EVC: variants seen among roughly 807,000 people sequenced by gnomAD.
EVC encodes the protein evC complex member EVC.
A neutral mutation model predicts 118.9 loss-of-function variants in EVC; 116 were observed. The ratio of observed to expected loss-of-function variants is 0.98; its 90% confidence interval spans 0.84 to 1.14. EVC has a LOEUF of 1.14. Ranked by LOEUF, EVC falls within the 50% of genes most tolerant of loss-of-function variation. The probability of loss-of-function intolerance (pLI) is 0.00; values close to 1 mark genes in which losing one functional copy is unlikely to be tolerated. For missense variants in EVC, 1,401 were observed against 1,246.4 expected (o/e 1.12, Z -1.87); for synonymous variants, 619 against 534.7 (o/e 1.16, Z -2.18).
At chr4:5,732,385 C>T (rs896735615) in intron 4 of EVC, among the ~76,000 whole-genome samples, 6 of 152,220 alleles carry the variant, frequency 3.9e-5, no homozygotes, top group Admixed American at 3.3e-4. Flanking sequence ...CACCTTGAGC[C>T]TGAAAGTGGC....
At chr4:5,826,698 G>A in the EVC span, 1 of 152,288 alleles carries the variant, frequency 6.6e-6, no homozygotes, top group Admixed American at 6.5e-5. Flanking sequence ...CCTGTACAGG[G>A]TCCCAGCATG....
Position 5,743,713 on chromosome 4 carries a change from G to A in EVC, c.802-1491G>A, listed in dbSNP as rs1223775096. ...GAGGAAGGACATCATCATCTTCACT[G>A]TCATCCTCAGTATCACCACCATGGT... On this transcript the variant is annotated intron_variant, in intron 6 of 20. Transcript: ENST00000264956. The surrounding 1 kb of genome is among the most constrained non-coding windows in gnomAD (Gnocchi z 4.7). Among the ~76,000 whole-genome samples the A allele has an allele frequency of 6.6e-6, 1 of 152,172 alleles. No individual in the cohort carries two copies. Among genetic ancestry groups the A allele is most frequent in the Non-Finnish European group, 1.5e-5 (1 of 68,036 alleles).
At chr4:5,745,386 A>G (rs199743160) in intron 7 of EVC, 45 bp downstream of exon 7, 960 of 1,606,698 alleles carry the variant, frequency 6.0e-4, no homozygotes, top group Non-Finnish European at 7.9e-4. Flanking sequence ...TTGGTTCCTA[A>G]AACAGTTAAA....
At chr4:5,810,259 C>T (rs1350952678) in intron 19 of EVC, 80 bp from the exon 20 acceptor site, 8 of 1,076,118 alleles carry the variant, frequency 7.4e-6, no homozygotes, top group Admixed American at 3.9e-5. Context: ...AAATGTCAGG[C>T]TGGGTTGGTG....
intron 15 of EVC, among the ~76,000 whole-genome samples, chr4:5,800,997 C>G (rs1035261738): frequency 1.3e-5 from 2 of 152,218 alleles, no homozygotes; most frequent in Non-Finnish European, 1.5e-5. Context: ...TTTGCCCATC[C>G]TCTTATGAGG....
chr4:5,791,356 AAGTG>A (rs1432784909), intron 12 of EVC, among the ~76,000 whole-genome samples: 6 of 152,044 alleles, frequency 3.9e-5, no homozygotes, highest in East Asian at 3.8e-4. Flanking sequence ...TCAAAACAGT[AAGTG>A]AGAACAGAGG....
chr4:5,805,897 T>TTTC lies in EVC; in HGVS notation c.2561+1058_2561+1059insCTT, dbSNP rs1715812583. Among the ~76,000 whole-genome samples the TTTC allele has an allele frequency of 2.7e-5, 4 of 149,498 alleles. No homozygotes were observed. In the South Asian group the frequency reaches 8.5e-4, roughly 32 times the overall value. ...TTCAGAGGCAGTTTCTTTTCTTTTT[T>TTTC]TTTTTTTTTTTTGAAGGAGTGACAG... On this transcript the variant is annotated intron_variant, in intron 17 of 20. Transcript: ENST00000264956.
At chr4:5,763,030 T>C (rs1269930076) in intron 11 of EVC, among the ~76,000 whole-genome samples, 4 of 102,782 alleles carry the variant, frequency 3.9e-5, no homozygotes, top group African/African-American at 7.8e-5. Flanking sequence ...GTTTTTATGG[T>C]TTTAGGTCTA....
At chr4:5,808,132 T>TCCCCCCCC in intron 17 of EVC, 69 bp from the exon 18 acceptor site, 1 of 464,752 alleles carries the variant, frequency 2.2e-6, no homozygotes, top group Non-Finnish European at 4.1e-6. Context: ...GCCTTCCTTC[T>TCCCCCCCC]CCCTCCCTCC....
At chr4:5,802,560 T>G (rs1364102570) in intron 16 of EVC, among the ~76,000 whole-genome samples, 1 of 145,452 alleles carries the variant, frequency 6.9e-6, no homozygotes. Flanking sequence ...CTCACCATAA[T>G]GTAGAATCAG....
At chr4:5,819,638 C>G in the EVC span, among the ~76,000 whole-genome samples, 8 of 152,354 alleles carry the variant, frequency 5.3e-5, no homozygotes, top group South Asian at 2.1e-4. Context: ...CTTCCACTTC[C>G]ACCCTGACAG....
downstream of EVC, among the ~76,000 whole-genome samples, chr4:5,815,621 A>G (rs929130260): frequency 6.6e-6 from 1 of 152,136 alleles, no homozygotes; most frequent in Non-Finnish European, 1.5e-5. Flanking sequence ...AGAGAGGGAG[A>G]GGGGCCAGGG....
chr4:5,783,728 GA>G lies in EVC; in HGVS notation c.1743del (p.Lys581AsnfsTer7). Reference protein sequence around the residue: ...KSNRFRRQQWKLFQELLEQDQ... With the variant: ...KSNRFRRQQWXLFQELLEQDQ... ...CAAATCGCTTCCGGAGGCAGCAGTG[GA>G]AACTCTTCCAGGAGCTCCTAGAGCA... On this transcript the variant is annotated frameshift_variant, in exon 12 of 21. Transcript: ENST00000264956. LOFTEE classifies it high-confidence loss of function. The G allele has an allele frequency of 6.2e-7, 1 of 1,613,786 alleles. No individual in the cohort carries two copies. The highest frequency in any genetic ancestry group is 1.3e-5 in the African/African-American group (1 of 75,034).
At chr4:5,747,830 C>T (rs1211496847) in intron 7 of EVC, among the ~76,000 whole-genome samples, 4 of 152,186 alleles carry the variant, frequency 2.6e-5, no homozygotes, top group South Asian at 2.1e-4. Context: ...CACATTTCAT[C>T]GGCCCCTAGG....
At chr4:5,782,467 C>T (rs1333936639) in intron 11 of EVC, among the ~76,000 whole-genome samples, 2 of 118,674 alleles carry the variant, frequency 1.7e-5, no homozygotes, top group Non-Finnish European at 3.2e-5. Context: ...AATCTCGGCT[C>T]ACAGCAAGCT....
At chr4:5,823,115 G>A in the EVC span, among the ~76,000 whole-genome samples, 1 of 152,154 alleles carries the variant, frequency 6.6e-6, no homozygotes, top group Non-Finnish European at 1.5e-5. Context: ...AAGTTTCAGT[G>A]CTAATCATGC....
At position 5,746,057 on chromosome 4, in the gene EVC, CTGGCCAGTGG is replaced by C. The variant is rs1257910682; in HGVS notation, c.939+720_939+729del. ...AGGCTGGCCGGGAGAAGTGTGGGTG[CTGGCCAGTGG>C]TGGGGCAGAGATGGGAGCTAAAGAG... is the stretch of plus-strand genomic sequence containing the variant. On this transcript the variant is annotated intron_variant, in intron 7 of 20. Coordinates refer to ENST00000264956, the MANE Select transcript of EVC (RefSeq NM_153717.3). This position sits in a 1 kb window ranked among gnomAD's most constrained non-coding sequence, Gnocchi z 5.8. Among the ~76,000 whole-genome samples, 1 of 152,134 alleles carries C rather than the reference CTGGCCAGTGG, an allele frequency of 6.6e-6. No individual in the cohort carries two copies. Among genetic ancestry groups the C allele is most frequent in the Non-Finnish European group, 1.5e-5 (1 of 68,028 alleles).
chr4:5,804,393 T>A (rs1318358802), intron 16 of EVC, among the ~76,000 whole-genome samples: 7 of 152,234 alleles, frequency 4.6e-5, no homozygotes, highest in Admixed American at 4.6e-4. Context: ...TCACTCTGCC[T>A]GGCCAATCAC....
chr4:5,763,826 A>G (rs1226238590), intron 11 of EVC, among the ~76,000 whole-genome samples: 2 of 100,478 alleles, frequency 2.0e-5, no homozygotes, highest in Non-Finnish European at 4.1e-5. Flanking sequence ...TTTTCTAGAT[A>G]TACAATCATG....
Sources: gnomAD v4.1 joint callset for allele counts (sites outside exome capture counted in the v4.1 genomes callset) on GRCh38, gnomAD v4.1.1 for gene constraint, Gnocchi (gnomAD v3.1) non-coding constraint, MANE v1.5 for transcripts, NCBI Gene and HGNC (gene_info 2026-07-23, HGNC 2026-07-21) for gene names.